Variants in RYR1 observed in about 807,000 individuals in gnomAD.
RYR1 encodes the protein ryanodine receptor 1.
Under a neutral mutation model 583.5 loss-of-function variants are expected in RYR1, and 342 were observed. That is an observed-to-expected ratio of 0.59 (90% CI 0.54 to 0.64). RYR1 has a LOEUF of 0.64. RYR1 is among the 30% of genes least tolerant of loss of function. The pLI is 0.00. For missense variants in RYR1, 6,032 were observed against 6,917.2 expected, an observed-to-expected ratio of 0.87 and a Z score of 4.54; for synonymous variants, 2,791 against 2,822.5, an observed-to-expected ratio of 0.99 and a Z score of 0.35.
At chr19:38,570,995 C>A (rs565855472) in intron 94 of RYR1, among the ~76,000 whole-genome samples, 1 of 152,308 alleles carries the variant, frequency 6.6e-6, no homozygotes, top group South Asian at 2.1e-4. Flanking sequence ...GGGTGCAGGC[C>A]CTCAGCTCTT....
chr19:38,543,657 C>T lies in RYR1; in HGVS notation c.11904C>T (p.Ile3968=). 3.1e-6 allele frequency: 5 copies of T among 1,613,796 alleles called. No homozygotes were observed. The highest frequency in any genetic ancestry group is 4.2e-6 in the Non-Finnish European group (5 of 1,180,030). ...TGTTCAACAGCCTCACTGAGTACAT[C>T]CAGGTAGGGCGCTCCCCCTGGGGCG... The part of the protein sequence containing the change: ...KQVFNSLTEY[I]QGPCTGNQQS... The change falls in exon 86 of 106, where the codon ATC becomes ATT. Residue 3968 remains isoleucine (I), a synonymous_variant. Coordinates refer to ENST00000359596, the MANE Select transcript of RYR1 (RefSeq NM_000540.3). This position sits in a 1 kb window ranked among gnomAD's most constrained non-coding sequence, Gnocchi z 4.4.
In RYR1 at chr19:38,567,844, C is replaced by G; in HGVS notation, c.13586C>G (p.Ser4529Ter). 6.2e-7 allele frequency: 1 copy of G among 1,614,160 alleles called. No individual in the cohort carries two copies. Residue 4529 changes from serine to a stop codon, truncating the protein, a stop_gained, in exon 93 of 106, where the codon TCA (serine) becomes TGA (stop). Transcript: ENST00000359596. LOFTEE classifies it high-confidence loss of function. ...CCCCCCAAGAAGCAAGCACCTCCCT[C>G]ACCCCCTCCAAAGAAGGAGGAAGCT... ...PEPPKKQAPP[S>*]PPPKKEEAGG...
rs1393018982 is a variant in RYR1, at chr19:38,535,353, G to C, written c.11477G>C (p.Gly3826Ala). Reference protein sequence around the residue: ...LDYLKDKKEVGFFQSIQALMQ... With the variant: ...LDYLKDKKEVAFFQSIQALMQ... ...TATCTTAAGGACAAGAAGGAAGTTGGCTTCTTCCAGAGTATCCAGGCACTG... is the reference window on the plus strand; with the variant it reads ...TATCTTAAGGACAAGAAGGAAGTTGCCTTCTTCCAGAGTATCCAGGCACTG... The change falls in exon 81 of 106, where the codon GGC becomes GCC. Residue 3826 changes from glycine (G) to alanine (A), a missense_variant. Gly to Ala is a moderately conservative substitution (Grantham distance 60, BLOSUM62 0). This residue lies in a region of RYR1 where 1,493 missense variants were observed against 1,715.5 expected (regional missense o/e 0.87). Coordinates refer to ENST00000359596, the MANE Select transcript of RYR1 (RefSeq NM_000540.3). The C allele has an allele frequency of 6.2e-7, 1 of 1,614,114 alleles. No individual in the cohort carries two copies. Among genetic ancestry groups the C allele is most frequent in the South Asian group, 1.1e-5 (1 of 91,074 alleles).
At chr19:38,462,713 A>C (rs1967823187) in intron 20 of RYR1, among the ~76,000 whole-genome samples, 1 of 152,078 alleles carries the variant, frequency 6.6e-6, no homozygotes, top group African/African-American at 2.4e-5. Flanking sequence ...AGACTCCTCC[A>C]TTCTTTTCAT....
At chr19:38,563,939 C>A (rs550755860) in intron 90 of RYR1, among the ~76,000 whole-genome samples, 1 of 152,216 alleles carries the variant, frequency 6.6e-6, no homozygotes, top group African/African-American at 2.4e-5. Context: ...GAAGAAAACC[C>A]GCTAGCCCTA....
At position 38,500,885 on chromosome 19, in the gene RYR1, G is replaced by C. The variant is rs573943675; in HGVS notation, c.7509G>C (p.Val2503=). The change falls in exon 47 of 106, where the codon GTG becomes GTC. Residue 2503 remains valine, a synonymous_variant. Coordinates refer to ENST00000359596, the MANE Select transcript of RYR1 (RefSeq NM_000540.3). The surrounding 1 kb of genome is among the most constrained non-coding windows in gnomAD (Gnocchi z 5.9). ...SFVPDHKASM[V]LFLDRVYGIE... ...TGCCGGACCACAAGGCGTCCATGGT[G>C]CTCTTCCTGGACCGTGTGTATGGCA... The C allele has an allele frequency of 3.1e-6, 5 of 1,614,058 alleles. No homozygotes were observed. In the East Asian group the frequency reaches 8.9e-5, roughly 29 times the overall value.
chr19:38,566,957 C>G lies in RYR1; in HGVS notation c.13484C>G (p.Pro4495Arg), dbSNP rs138929547. Residue 4495 changes from proline (P) to arginine (R), a missense_variant, in exon 92 of 106, where the codon CCG (proline) becomes CGG (arginine). Coordinates refer to ENST00000359596, the MANE Select transcript of RYR1 (RefSeq NM_000540.3). ...EELPPEPEPEPEPELEPEKAD... is the reference protein window; with the variant it reads ...EELPPEPEPEREPELEPEKAD... Reference sequence around the variant, plus strand: ...CTCCCGCCAGAGCCAGAGCCCGAGCCGGAACCAGAGCTGGAGCCGGAGAAA... The same window carrying G: ...CTCCCGCCAGAGCCAGAGCCCGAGCGGGAACCAGAGCTGGAGCCGGAGAAA... The G allele has an allele frequency of 5.6e-6, 9 of 1,605,310 alleles. No homozygotes were observed. In the East Asian group the frequency reaches 1.1e-4, roughly 20 times the overall value.
At position 38,444,357 on chromosome 19, in the gene RYR1, C is replaced by A; in HGVS notation, c.537+96C>A. ...GGTTTGCCTGGCTGATCTCCCACCC[C>A]CAAGGTCCTGACTCCCAATTTCCCA... On this transcript the variant is annotated intron_variant, in intron 6 of 105. Transcript: ENST00000359596. The surrounding 1 kb of genome is among the most constrained non-coding windows in gnomAD (Gnocchi z 5.1). 1 of 1,064,094 alleles carries A rather than the reference C, an allele frequency of 9.4e-7. No homozygotes were observed. Among genetic ancestry groups the A allele is most frequent in the Admixed American group, 2.0e-5 (1 of 50,644 alleles). 65.9% of individuals were successfully genotyped at this position (1,064,094 alleles called of 1,614,324 possible).
chr19:38,457,498 TCCTGGACGTGCTATGCTC>T lies in RYR1; in HGVS notation c.1798_1815del (p.Asp600_Leu605del), dbSNP rs1284436316. 1 of 1,614,110 alleles carries T rather than the reference TCCTGGACGTGCTATGCTC, an allele frequency of 6.2e-7. No individual in the cohort carries two copies. The highest frequency in any genetic ancestry group is 1.7e-5 in the Admixed American group (1 of 59,998). ...TTAACCTCTGACCTTGACCTCTAGG[TCCTGGACGTGCTATGCTC>T]CCTGTGTGTGTGTAATGGTGTGGCT... On this transcript the variant is annotated inframe_deletion and splice_region_variant, in exon 17 of 106. Transcript: ENST00000359596.
chr19:38,458,078 A>G lies in RYR1; in HGVS notation c.1953A>G (p.Arg651=). The change falls in exon 18 of 106, where the codon CGA becomes CGG. Residue 651 remains arginine (R), a synonymous_variant. Coordinates refer to ENST00000359596, the MANE Select transcript of RYR1 (RefSeq NM_000540.3). ...TCCGCCCCAACATCTTTGTGGGCCG[A>G]GCGGAAGGCACCACGCAGTACAGCA... ...TSIRPNIFVG[R]AEGTTQYSKW... 6.2e-7 allele frequency: 1 copy of G among 1,613,654 alleles called. No individual in the cohort carries two copies. Among genetic ancestry groups the G allele is most frequent in the Non-Finnish European group, 8.5e-7 (1 of 1,179,976 alleles).
intron 13 of RYR1, 57 bp downstream of exon 13, chr19:38,453,071 A>C: frequency 8.3e-5 from 106 of 1,281,292 alleles, no homozygotes; most frequent in Non-Finnish European, 8.8e-5. Context: ...GGGACCACTG[A>C]GGGGCGGGGC....
In RYR1 at chr19:38,565,897, CGGAGGACGCACCCAT is replaced by C. The variant is rs1973398871; in HGVS notation, c.13437+138_13437+152del. 3.2e-5 allele frequency: 36 copies of C among 1,109,830 alleles called. 1 individual carries two copies. The South Asian group carries it at 5.7e-4, about 18-fold the overall frequency. 68.7% of individuals were successfully genotyped at this position (1,109,830 alleles called of 1,614,324 possible). On this transcript the variant is annotated intron_variant, in intron 91 of 105. Transcript: ENST00000359596. The surrounding 1 kb of genome is among the most constrained non-coding windows in gnomAD (Gnocchi z 4.7). Reference sequence around the variant, plus strand: ...CTAGGGGGATGGGCACACGCACCCACGGAGGACGCACCCATGGAGGACGCACACGGGGACAGCGGG... The same window carrying C: ...CTAGGGGGATGGGCACACGCACCCACGGAGGACGCACACGGGGACAGCGGG...
rs1973143608 is a variant in RYR1 at position 38,561,540 on chromosome 19, G to A, written c.12624+86G>A. 27 of 1,321,576 alleles carry A rather than the reference G, an allele frequency of 2.0e-5. No individual in the cohort carries two copies. The highest frequency in any genetic ancestry group is 6.0e-5 in the Admixed American group (3 of 50,002). 81.9% of individuals were successfully genotyped at this position (1,321,576 alleles called of 1,614,324 possible). A position where few individuals can be genotyped will look rare whatever the true frequency, so the allele number is the denominator to read the frequency against. ...CTTCCTGCACCCTCAGACCCCACGG[G>A]GGCTGTGCGTGCCTCGCATATCTGC... On this transcript the variant is annotated intron_variant, in intron 90 of 105. Transcript: ENST00000359596. The surrounding 1 kb of genome is among the most constrained non-coding windows in gnomAD (Gnocchi z 4.8).
At chr19:38,506,684 G>A in intron 56 of RYR1, 138 bp downstream of exon 56, 2 of 1,480,966 alleles carry the variant, frequency 1.4e-6, no homozygotes, top group Non-Finnish European at 9.3e-7. Flanking sequence ...ATGGGGTAAT[G>A]AGATGAGCAC....
rs540582778 is a variant in RYR1 at position 38,496,841 on chromosome 19, C to T, written c.6797-19C>T. 36 of 1,603,630 alleles carry T rather than the reference C, an allele frequency of 2.2e-5. No individual in the cohort carries two copies. In the East Asian group the frequency reaches 2.5e-4, roughly 11 times the overall value. On this transcript the variant is annotated intron_variant, in intron 41 of 105. Transcript: ENST00000359596. The surrounding 1 kb of genome is among the most constrained non-coding windows in gnomAD (Gnocchi z 4.8). ...GACAAGCAGGAGTGAGATGTTCTCC[C>T]CACCTCTCGCCCCTGCAGGCATGCA...
In RYR1 at chr19:38,527,701, G is replaced by C; in HGVS notation, c.10741G>C (p.Gly3581Arg). Reference sequence around the variant, plus strand: ...GATGGCTCTGTACCGGGGCGTCCCGGGTCGCGAGGAGGACGCCGATGACCC... The same window carrying C: ...GATGGCTCTGTACCGGGGCGTCCCGCGTCGCGAGGAGGACGCCGATGACCC... The part of the protein sequence containing the change: ...WQMALYRGVP[G>R]REEDADDPEK... Residue 3581 changes from glycine (G) to arginine (R), a missense_variant, in exon 73 of 106, where the codon GGT becomes CGT. Around this residue, in one of 11 missense-constraint regions of RYR1, gnomAD observed 1,493 missense variants for 1,715.5 expected, o/e 0.87. Transcript: ENST00000359596. 7 of 1,614,152 alleles carry C rather than the reference G, an allele frequency of 4.3e-6. No homozygotes were observed. The highest frequency in any genetic ancestry group is 5.9e-6 in the Non-Finnish European group (7 of 1,180,034).
intron 70 of RYR1, among the ~76,000 whole-genome samples, chr19:38,524,855 G>A (rs1422328069): frequency 1.3e-5 from 2 of 152,030 alleles, no homozygotes; most frequent in Non-Finnish European, 2.9e-5. Flanking sequence ...TGTGGAGGGG[G>A]TATTGTACTG....
Position 38,543,924 on chromosome 19 carries a change from G to A in RYR1, c.12012+49G>A. 6.4e-7 allele frequency: 1 copy of A among 1,561,010 alleles called. No individual in the cohort carries two copies. The highest frequency in any genetic ancestry group is 8.7e-7 in the Non-Finnish European group (1 of 1,143,306). The stretch of plus-strand genomic sequence containing the variant: ...CCACCTGCTTCCGGGCGTCCCCCAA[G>A]TGGTCCATTTCCAAGTCTTGCCCCT... On this transcript the variant is annotated intron_variant, in intron 87 of 105. Coordinates refer to ENST00000359596, the MANE Select transcript of RYR1 (RefSeq NM_000540.3). The surrounding 1 kb of genome is among the most constrained non-coding windows in gnomAD (Gnocchi z 4.4).
chr19:38,565,802 G>T lies in RYR1; in HGVS notation c.13437+31G>T. On this transcript the variant is annotated intron_variant, in intron 91 of 105. Coordinates refer to ENST00000359596, the MANE Select transcript of RYR1 (RefSeq NM_000540.3). The surrounding 1 kb of genome is among the most constrained non-coding windows in gnomAD (Gnocchi z 4.7). ...AGAGCAGGCGGGGTTTTGGGGTTTT[G>T]GAAAGATGGGGGATTGGAGGGAGGA... is the stretch of plus-strand genomic sequence containing the variant. 1 of 1,374,458 alleles carries T rather than the reference G, an allele frequency of 7.3e-7. No homozygotes were observed. Among genetic ancestry groups the T allele is most frequent in the Non-Finnish European group, 9.3e-7 (1 of 1,072,466 alleles). 85.1% of individuals were successfully genotyped at this position (1,374,458 alleles called of 1,614,324 possible).
Sources: allele counts gnomAD v4.1 joint callset (sites outside exome capture counted in the v4.1 genomes callset), GRCh38; gene constraint gnomAD v4.1.1; regional missense constraint gnomAD v4.1.1; non-coding constraint Gnocchi (gnomAD v3.1); transcripts MANE v1.5; gene names NCBI Gene and HGNC (gene_info 2026-07-23, HGNC 2026-07-21).